MALRD1: variants seen among roughly 807,000 people sequenced by gnomAD.
The protein encoded by MALRD1 is MAM and LDL receptor class A domain containing 1.
In MALRD1, 247 loss-of-function variants were observed where a neutral mutation model predicts 242.1. That is an observed-to-expected ratio of 1.02 (90% CI 0.92 to 1.13). The LOEUF is 1.13. MALRD1 is among the 50% of genes most tolerant of loss of function. The pLI is 0.00. For synonymous variants in MALRD1, 995 were observed against 866.6 expected, an observed-to-expected ratio of 1.15 and a Z score of -2.60; for missense variants, 2,989 against 2,533.1, an observed-to-expected ratio of 1.18 and a Z score of -3.86.
At chr10:19,255,231 C>T (rs1485804408) in intron 18 of MALRD1, among the ~76,000 whole-genome samples, 2 of 151,968 alleles carry the variant, frequency 1.3e-5, no homozygotes, top group Non-Finnish European at 2.9e-5. Flanking sequence ...TTCAGTTGCC[C>T]TTTGAGGCAC....
rs763948177 is a variant in MALRD1 at position 19,327,563 on chromosome 10, G to T, written c.3577G>T (p.Val1193Leu). Residue 1193 changes from valine to leucine, a missense_variant and splice_region_variant, in exon 23 of 40, where the codon GTG becomes TTG. Physicochemically the swap from Val to Leu is conservative, Grantham distance 32. Coordinates refer to ENST00000454679, the MANE Select transcript of MALRD1 (RefSeq NM_001142308.3). ...MNGATVGSLQ[V>L]LIKKDNVTSK... ...CCTTTTACTTGATTTATCTCTATAG[G>T]TGCTCATCAAGAAAGATAACGTTAC... The T allele has an allele frequency of 7.1e-6, 11 of 1,546,818 alleles. No individual in the cohort carries two copies. Among genetic ancestry groups the T allele is most frequent in the Admixed American group, 2.0e-5 (1 of 50,934 alleles).
intron 13 of MALRD1, among the ~76,000 whole-genome samples, chr10:19,171,883 T>C (rs557603147): frequency 7.0e-6 from 1 of 142,612 alleles, no homozygotes; most frequent in South Asian, 2.2e-4. Flanking sequence ...CGTATATACG[T>C]ATATATATGA....
intron 2 of MALRD1, among the ~76,000 whole-genome samples, chr10:19,082,081 T>G (rs546057079): frequency 6.6e-6 from 1 of 151,866 alleles, no homozygotes; most frequent in Non-Finnish European, 1.5e-5. Context: ...GACTTATTTT[T>G]TTCTTATTAC....
chr10:19,567,383 A>C (rs954372279), intron 32 of MALRD1, 119 bp from the exon 33 acceptor site: 7 of 848,182 alleles, frequency 8.3e-6, no homozygotes, highest in Admixed American at 5.5e-5. Flanking sequence ...TAGAAAATAC[A>C]ATAGTCAATG....
At chr10:19,062,318 G>A (rs1266258600) in intron 1 of MALRD1, among the ~76,000 whole-genome samples, 7 of 152,162 alleles carry the variant, frequency 4.6e-5, no homozygotes, top group African/African-American at 1.7e-4. Flanking sequence ...GAACACTCAT[G>A]CTTTTCTGGT....
chr10:19,104,901 GAC>G (rs1836410161), intron 5 of MALRD1, among the ~76,000 whole-genome samples: 1 of 151,900 alleles, frequency 6.6e-6, no homozygotes, highest in Non-Finnish European at 1.5e-5. Context: ...ATTTTTAATT[GAC>G]ACATAATTGT....
intron 34 of MALRD1, among the ~76,000 whole-genome samples, chr10:19,601,803 C>CA (rs1189837821): frequency 6.6e-6 from 1 of 151,890 alleles, no homozygotes; most frequent in South Asian, 2.1e-4. Flanking sequence ...AGGAAGGGTT[C>CA]AAAATATATG....
chr10:19,131,228 T>C (rs1444597485), intron 8 of MALRD1, among the ~76,000 whole-genome samples: 1 of 152,206 alleles, frequency 6.6e-6, no homozygotes, highest in Non-Finnish European at 1.5e-5. Flanking sequence ...CATCTTTCCA[T>C]GAATAGAATG....
At chr10:19,314,161 T>C (rs1326775799) in intron 21 of MALRD1, among the ~76,000 whole-genome samples, 2 of 151,554 alleles carry the variant, frequency 1.3e-5, no homozygotes, top group Non-Finnish European at 3.0e-5. Context: ...ATAAAGAAGT[T>C]AAAAATGTGT....
intron 31 of MALRD1, among the ~76,000 whole-genome samples, chr10:19,519,985 T>C (rs1833805759): frequency 6.6e-6 from 1 of 152,186 alleles, no homozygotes; most frequent in Non-Finnish European, 1.5e-5. Context: ...ATAGAACATG[T>C]CTTGTTGTCA....
At chr10:19,167,754 G>A (rs761881383) in intron 13 of MALRD1, among the ~76,000 whole-genome samples, 3 of 152,038 alleles carry the variant, frequency 2.0e-5, no homozygotes, top group East Asian at 1.9e-4. Context: ...AGGATGAATC[G>A]AGCTCCCCCA....
At chr10:19,224,579 C>A (rs1156803253) in intron 18 of MALRD1, among the ~76,000 whole-genome samples, 1 of 152,218 alleles carries the variant, frequency 6.6e-6, no homozygotes, top group African/African-American at 2.4e-5. Flanking sequence ...GCGTGAGCCA[C>A]CACGCCCAGC....
rs11443184 is a variant in MALRD1, at chr10:19,176,366, CTTTTT to C, written c.1951+1053_1951+1057del. On this transcript the variant is annotated intron_variant, in intron 14 of 39. Coordinates refer to ENST00000454679, the MANE Select transcript of MALRD1 (RefSeq NM_001142308.3). ...TCGAGAGAGTGTATATTTCTGGGTGCTTTTTTTTTTTTTTTTTTTGAGACGGAGTC... is the reference window on the plus strand; with the variant it reads ...TCGAGAGAGTGTATATTTCTGGGTGCTTTTTTTTTTTTTTGAGACGGAGTC... Among the ~76,000 whole-genome samples the C allele has an allele frequency of 1.8e-3, 153 of 87,300 alleles. 8 individuals carry two copies. The highest frequency in any genetic ancestry group is 2.9e-3 in the Non-Finnish European group (126 of 43,400). The allele number at this position is 87,300 out of a possible 152,430, so 57.3% of individuals were successfully genotyped here. A position where few individuals can be genotyped will look rare whatever the true frequency, so the allele number is the denominator to read the frequency against.
chr10:19,162,331 G>T (rs1834467623), intron 12 of MALRD1, among the ~76,000 whole-genome samples: 1 of 151,606 alleles, frequency 6.6e-6, no homozygotes, highest in Non-Finnish European at 1.5e-5. Context: ...ATATATTTCT[G>T]AATGTTTATA....
chr10:19,497,268 A>AT (rs5783682), intron 30 of MALRD1, among the ~76,000 whole-genome samples: 1 of 151,442 alleles, frequency 6.6e-6, no homozygotes, highest in Admixed American at 6.6e-5. Context: ...GGAATGTCTC[A>AT]TTTTTTATCC....
chr10:19,727,696 T>A (rs1247458763), intron 38 of MALRD1, among the ~76,000 whole-genome samples: 1 of 152,022 alleles, frequency 6.6e-6, no homozygotes, highest in African/African-American at 2.4e-5. Flanking sequence ...ACTCACTTAT[T>A]CATTGGGGGA....
In MALRD1 at chr10:19,048,952, T is replaced by C; in HGVS notation, c.14T>C (p.Leu5Pro). 4.1e-6 allele frequency: 5 copies of C among 1,233,924 alleles called. No homozygotes were observed. Among genetic ancestry groups the C allele is most frequent in the Non-Finnish European group, 5.1e-6 (5 of 988,120 alleles). The allele number at this position is 1,233,924 out of a possible 1,614,324, so 76.4% of individuals were successfully genotyped here. MLFF[L>P]DRMLAFPMNE... ...CAATACCAAGTAATGCTCTTCTTCC[T>C]GGACAGAATGTTGGCATTCCCCATG... Residue 5 changes from leucine to proline, a missense_variant, in exon 1 of 40, where the codon CTG (leucine) becomes CCG (proline). By Grantham distance (98) the Leu-to-Pro change is moderately conservative. Transcript: ENST00000454679.
intron 31 of MALRD1, 56 bp from the exon 32 acceptor site, chr10:19,531,138 C>T (rs1410319570): frequency 2.1e-6 from 3 of 1,402,818 alleles, no homozygotes; most frequent in African/African-American, 2.9e-5. Context: ...TAAACACATT[C>T]CGACTCATGC....
At chr10:19,459,818 T>G (rs2131089398) in intron 29 of MALRD1, among the ~76,000 whole-genome samples, 1 of 151,180 alleles carries the variant, frequency 6.6e-6, no homozygotes, top group East Asian at 1.9e-4. Context: ...TAATTATATT[T>G]AATTATAATC....
Sources: gnomAD v4.1 joint callset for allele counts (sites outside exome capture counted in the v4.1 genomes callset) on GRCh38, gnomAD v4.1.1 for gene constraint, MANE v1.5 for transcripts, NCBI Gene and HGNC (gene_info 2026-07-23, HGNC 2026-07-21) for gene names.